The following ITPRIPL2 variants were observed in gnomAD, a reference collection of about 807,000 sequenced individuals.
The protein encoded by ITPRIPL2 is ITPRIP like 2, also known as inositol 1,4,5-trisphosphate receptor-interacting protein-like 2.
ITPRIPL2 carries 29 observed loss-of-function variants against 31.7 expected under a neutral mutation model. The ratio of observed to expected loss-of-function variants is 0.91; its 90% CI spans 0.68 to 1.25. ITPRIPL2 has a LOEUF of 1.25. Among genes scored for constraint, ITPRIPL2 ranks in the 50% most tolerant of loss-of-function variants. ITPRIPL2 has a pLI of 0.00. For missense variants in ITPRIPL2, 696 were observed against 739.1 expected, an observed-to-expected ratio of 0.94 and a Z score of 0.68; for synonymous variants, 344 against 343.4, an observed-to-expected ratio of 1.00 and a Z score of -0.02.
Position 19,114,321 on chromosome 16 carries a change from C to G in ITPRIPL2, c.-141C>G, listed in dbSNP as rs1028299522. ...GGCCGAGCTGGAGGGCGGCCTCCCT[C>G]GGGCCTGCGTTCGGGAAGCCGCCGC... On this transcript the variant is annotated 5_prime_UTR_variant, in exon 1 of 1. Transcript: ENST00000381440. The G allele has an allele frequency of 3.8e-6, 2 of 522,570 alleles. No homozygotes were observed. Among genetic ancestry groups the G allele is most frequent in the Non-Finnish European group, 5.9e-6 (2 of 340,838 alleles). 32.4% of individuals were successfully genotyped at this position (522,570 alleles called of 1,614,324 possible).
rs529339023 is a variant in ITPRIPL2 at position 19,120,625 on chromosome 16, A to ATTTTT, written c.*4570_*4574dup. On this transcript the variant is annotated 3_prime_UTR_variant, in exon 1 of 1. Coordinates refer to ENST00000381440, the MANE Select transcript of ITPRIPL2 (RefSeq NM_001034841.4). ...CTAATATATATATATATATATATAT[A>ATTTTT]TTTTTTTTTTTTTTTTTTAGTAGAG... 1.1e-5 allele frequency: 1 copy of ATTTTT among 92,190 alleles called. No homozygotes were observed. Among genetic ancestry groups the ATTTTT allele is most frequent in the African/African-American group, 5.0e-5 (1 of 20,008 alleles). The allele number at this position is 92,190 out of a possible 1,614,324, so 5.7% of individuals were successfully genotyped here. A position where few individuals can be genotyped will look rare whatever the true frequency, so the allele number is the denominator to read the frequency against.
chr16:19,114,133 C>G lies in ITPRIPL2; in HGVS notation c.-329C>G. ...CAGGAGGGCCGCCCAGGGTAGGAGG[C>G]GAGCCAGGCCGGGCCAGAAGCTGGC... On this transcript the variant is annotated 5_prime_UTR_variant, in exon 1 of 1. Transcript: ENST00000381440. 2.6e-6 allele frequency: 1 copy of G among 387,078 alleles called. No individual in the cohort carries two copies. Among genetic ancestry groups the G allele is most frequent in the Non-Finnish European group, 4.6e-6 (1 of 218,606 alleles). 24.0% of individuals were successfully genotyped at this position (387,078 alleles called of 1,614,324 possible).
At position 19,117,300 on chromosome 16, in the gene ITPRIPL2, C is replaced by T. The variant is rs747374560; in HGVS notation, c.*1231C>T. 6.0e-6 allele frequency: 1 copy of T among 167,236 alleles called. No individual in the cohort carries two copies. 10.4% of individuals were successfully genotyped at this position (167,236 alleles called of 1,614,324 possible). On this transcript the variant is annotated 3_prime_UTR_variant, in exon 1 of 1. Transcript: ENST00000381440. ...TCAGCACAGGTCTTGCAAAACATTT[C>T]ACTTATAGTTCAGTATCTTGGGCTC... is the stretch of plus-strand genomic sequence containing the variant.
rs2142438678 is a variant in ITPRIPL2, at chr16:19,117,776, T to G, written c.*1707T>G. 6.0e-6 allele frequency: 1 copy of G among 167,106 alleles called. No individual in the cohort carries two copies. Among genetic ancestry groups the G allele is most frequent in the Non-Finnish European group, 1.5e-5 (1 of 68,100 alleles). The allele number at this position is 167,106 out of a possible 1,614,324, so 10.4% of individuals were successfully genotyped here. ...ACTTGCCTGCTGTGGGAAATCATAG[T>G]GAGTGATTTACAGGAATCCTTCTCC... On this transcript the variant is annotated 3_prime_UTR_variant, in exon 1 of 1. Coordinates refer to ENST00000381440, the MANE Select transcript of ITPRIPL2 (RefSeq NM_001034841.4).
Position 19,115,978 on chromosome 16 carries a change from T to G in ITPRIPL2, c.1517T>G (p.Leu506Arg), listed in dbSNP as rs1361198553. The change falls in exon 1 of 1, where the codon CTT (leucine) becomes CGT (arginine). Residue 506 changes from leucine (L) to arginine (R), a missense_variant. Leu to Arg is a moderately radical substitution (Grantham distance 102). Coordinates refer to ENST00000381440, the MANE Select transcript of ITPRIPL2 (RefSeq NM_001034841.4). ...TCCACGTGGCAAAGGCTGCCCCAGC[T>G]TCTCCGGGCCTACGGGGGTCCCCGC... Reference protein sequence around the residue: ...LLSTWQRLPQLLRAYGGPRYL... With the variant: ...LLSTWQRLPQRLRAYGGPRYL... The G allele has an allele frequency of 6.2e-7, 1 of 1,613,094 alleles. No homozygotes were observed. Among genetic ancestry groups the G allele is most frequent in the Non-Finnish European group, 8.5e-7 (1 of 1,179,798 alleles).
Position 19,115,800 on chromosome 16 carries a change from C to T in ITPRIPL2, c.1339C>T (p.Arg447Ter). Residue 447 changes from arginine (R) to a stop codon, truncating the protein, a stop_gained, in exon 1 of 1, where the codon CGA becomes TGA. Transcript: ENST00000381440. LOFTEE classifies it high-confidence loss of function. ...GCAGTTCCTTAGGGACTGCCTGCTG[C>T]GACGCCATACGCTCTTCCACTGCGT... ...LVQFLRDCLL[R>*]RHTLFHCVLG... The T allele has an allele frequency of 6.2e-7, 1 of 1,612,956 alleles. No individual in the cohort carries two copies. Among genetic ancestry groups the T allele is most frequent in the Admixed American group, 1.7e-5 (1 of 60,032 alleles).
Position 19,114,887 on chromosome 16 carries a change from C to T in ITPRIPL2, c.426C>T (p.Leu142=), listed in dbSNP as rs1292206424. The T allele has an allele frequency of 3.1e-6, 5 of 1,608,788 alleles. No homozygotes were observed. The South Asian group carries it at 4.4e-5, about 14-fold the overall frequency. Residue 142 remains leucine (L), a synonymous_variant, in exon 1 of 1, where the codon CTC becomes CTT. Coordinates refer to ENST00000381440, the MANE Select transcript of ITPRIPL2 (RefSeq NM_001034841.4). ...RAGRARGSPG[L]IPGGALALAF... ...GCCGCGCCCGGGGGTCCCCCGGTCT[C>T]ATTCCTGGGGGAGCGCTGGCCTTGG...
In ITPRIPL2 at chr16:19,118,035, ATAAATGCCAAGAGT is replaced by A. The variant is rs1963465620; in HGVS notation, c.*1967_*1980del. 1 of 166,264 alleles carries A rather than the reference ATAAATGCCAAGAGT, an allele frequency of 6.0e-6. No homozygotes were observed. Among genetic ancestry groups the A allele is most frequent in the Admixed American group, 6.6e-5 (1 of 15,214 alleles). 10.3% of individuals were successfully genotyped at this position (166,264 alleles called of 1,614,324 possible). On this transcript the variant is annotated 3_prime_UTR_variant, in exon 1 of 1. Coordinates refer to ENST00000381440, the MANE Select transcript of ITPRIPL2 (RefSeq NM_001034841.4). The stretch of plus-strand genomic sequence containing the variant: ...GTATTTTTTAAAATTAGTTTTTAAA[ATAAATGCCAAGAGT>A]AGATCTTATATATATATATATGTAT...
chr16:19,119,897 A>G lies in ITPRIPL2; in HGVS notation c.*3828A>G, dbSNP rs1362955802. 6.0e-6 allele frequency: 1 copy of G among 166,906 alleles called. No homozygotes were observed. The highest frequency in any genetic ancestry group is 1.9e-4 in the East Asian group (1 of 5,192). 10.3% of individuals were successfully genotyped at this position (166,906 alleles called of 1,614,324 possible). A position where few individuals can be genotyped will look rare whatever the true frequency, so the allele number is the denominator to read the frequency against. On this transcript the variant is annotated 3_prime_UTR_variant, in exon 1 of 1. Transcript: ENST00000381440. ...GGGGTAAACTTCTTTGCTCTGTCGG[A>G]GTTTGCAGATGAGTAATCAGAAGGA...
At position 19,115,926 on chromosome 16, in the gene ITPRIPL2, C is replaced by T. The variant is rs772340024; in HGVS notation, c.1465C>T (p.Arg489Trp). The change falls in exon 1 of 1, where the codon CGG becomes TGG. Residue 489 changes from arginine to tryptophan, a missense_variant. By Grantham distance (101) the Arg-to-Trp change is moderately radical. Coordinates refer to ENST00000381440, the MANE Select transcript of ITPRIPL2 (RefSeq NM_001034841.4). ...CCTGGCCGCTTTCGACGGGCACGCC[C>T]GGGAACTTGCAGCAGCGCGGTTGCT... is the stretch of plus-strand genomic sequence containing the variant. ...DLLAAFDGHARELAAARLLST... is the reference protein window; with the variant it reads ...DLLAAFDGHAWELAAARLLST... The T allele has an allele frequency of 3.7e-6, 6 of 1,612,266 alleles. No individual in the cohort carries two copies. Among genetic ancestry groups the T allele is most frequent in the South Asian group, 3.3e-5 (3 of 91,046 alleles).
In ITPRIPL2 at chr16:19,115,041, G is replaced by C. The variant is rs1384150177; in HGVS notation, c.580G>C (p.Gly194Arg). Residue 194 changes from glycine (G) to arginine (R), a missense_variant, in exon 1 of 1, where the codon GGC becomes CGC. Gly to Arg is a moderately radical substitution (Grantham distance 125). Transcript: ENST00000381440. The stretch of plus-strand genomic sequence containing the variant: ...TGTGGCGCTGGAGCCACGGAGCCTG[G>C]GCGAGGAGCCAGCGCTGGCCCCGGC... ...PLVALEPRSLGEEPALAPAFR... is the reference protein window; with the variant it reads ...PLVALEPRSLREEPALAPAFR... 3.1e-6 allele frequency: 5 copies of C among 1,597,784 alleles called. No individual in the cohort carries two copies. The highest frequency in any genetic ancestry group is 4.2e-6 in the Non-Finnish European group (5 of 1,178,944).
In ITPRIPL2 at chr16:19,119,258, C is replaced by T; in HGVS notation, c.*3189C>T. 1 of 405,372 alleles carries T rather than the reference C, an allele frequency of 2.5e-6. No homozygotes were observed. Among genetic ancestry groups the T allele is most frequent in the Non-Finnish European group, 4.5e-6 (1 of 221,786 alleles). The allele number at this position is 405,372 out of a possible 1,614,324, so 25.1% of individuals were successfully genotyped here. On this transcript the variant is annotated 3_prime_UTR_variant, in exon 1 of 1. Transcript: ENST00000381440. ...AGGAGGACTTAAGATGAAAGTGAAG[C>T]AAGAGAGGGAAGGGGAAATGAAGTG...
In ITPRIPL2 at chr16:19,121,086, A is replaced by AT. The variant is rs1963514964; in HGVS notation, c.*5024dup. On this transcript the variant is annotated 3_prime_UTR_variant, in exon 1 of 1. Coordinates refer to ENST00000381440, the MANE Select transcript of ITPRIPL2 (RefSeq NM_001034841.4). Reference sequence around the variant, plus strand: ...AAATCACTTGTTTAGATACAACTTTATTTTTTTATACCTACATAGCACATG... The same window carrying AT: ...AAATCACTTGTTTAGATACAACTTTATTTTTTTTATACCTACATAGCACATG... 6.1e-6 allele frequency: 1 copy of AT among 163,064 alleles called. No homozygotes were observed. The highest frequency in any genetic ancestry group is 2.5e-5 in the African/African-American group (1 of 40,512). 10.1% of individuals were successfully genotyped at this position (163,064 alleles called of 1,614,324 possible).
rs995552043 is a variant in ITPRIPL2 at position 19,114,519 on chromosome 16, TG to T, written c.59del (p.Cys20SerfsTer104). On this transcript the variant is annotated frameshift_variant, in exon 1 of 1. Transcript: ENST00000381440. LOFTEE classifies it high-confidence loss of function. ...CTTCTGGCCCCTGGTGACCGGCCTG[TG>T]CACCGCCCTGGTGTGCCTCTACCAT... Reference protein sequence around the residue: ...RVFWPLVTGLCTALVCLYHVL... With the variant: ...RVFWPLVTGLXTALVCLYHVL... 1 of 1,473,526 alleles carries T rather than the reference TG, an allele frequency of 6.8e-7. No homozygotes were observed. Among genetic ancestry groups the T allele is most frequent in the African/African-American group, 1.4e-5 (1 of 71,004 alleles). 91.3% of individuals were successfully genotyped at this position (1,473,526 alleles called of 1,614,324 possible). A position where few individuals can be genotyped will look rare whatever the true frequency, so the allele number is the denominator to read the frequency against.
Position 19,118,208 on chromosome 16 carries a change from T to C in ITPRIPL2, c.*2139T>C. On this transcript the variant is annotated 3_prime_UTR_variant, in exon 1 of 1. Transcript: ENST00000381440. ...GGCTGGGCGTGGTGGCTCACGCCTG[T>C]AATCCCAGCACTTTGGGAGGCGAGG... The C allele has an allele frequency of 6.0e-6, 1 of 167,166 alleles. No individual in the cohort carries two copies. Among genetic ancestry groups the C allele is most frequent in the Non-Finnish European group, 1.5e-5 (1 of 68,176 alleles). The allele number at this position is 167,166 out of a possible 1,614,324, so 10.4% of individuals were successfully genotyped here.
Position 19,115,284 on chromosome 16 carries a change from C to T in ITPRIPL2, c.823C>T (p.Arg275Trp). ...TVRYSLEGRC[R>W]VTLTPGGLEQ... ...GCGTTACAGCCTGGAGGGGCGCTGT[C>T]GGGTCACCTTGACCCCAGGTGGCCT... The change falls in exon 1 of 1, where the codon CGG becomes TGG. Residue 275 changes from arginine (R) to tryptophan (W), a missense_variant. Physicochemically the swap from Arg to Trp is moderately radical, Grantham distance 101. Coordinates refer to ENST00000381440, the MANE Select transcript of ITPRIPL2 (RefSeq NM_001034841.4). The T allele has an allele frequency of 6.2e-7, 1 of 1,612,924 alleles. No homozygotes were observed. Among genetic ancestry groups the T allele is most frequent in the Non-Finnish European group, 8.5e-7 (1 of 1,180,026 alleles).
Position 19,114,364 on chromosome 16 carries a change from C to G in ITPRIPL2, c.-98C>G. ...GCCGCCGCGGAGGAGGAGACGGGGA[C>G]AGCGGGGCTGCCCGGGCGCTGTGCG... On this transcript the variant is annotated 5_prime_UTR_variant, in exon 1 of 1. Transcript: ENST00000381440. 1.0e-6 allele frequency: 1 copy of G among 975,780 alleles called. No homozygotes were observed. Among genetic ancestry groups the G allele is most frequent in the Non-Finnish European group, 1.3e-6 (1 of 749,512 alleles). 60.4% of individuals were successfully genotyped at this position (975,780 alleles called of 1,614,324 possible). A position where few individuals can be genotyped will look rare whatever the true frequency, so the allele number is the denominator to read the frequency against.
chr16:19,115,731 G>C lies in ITPRIPL2; in HGVS notation c.1270G>C (p.Gly424Arg), dbSNP rs1963434016. 1 of 1,613,066 alleles carries C rather than the reference G, an allele frequency of 6.2e-7. No individual in the cohort carries two copies. The highest frequency in any genetic ancestry group is 8.5e-7 in the Non-Finnish European group (1 of 1,180,004). Residue 424 changes from glycine to arginine, a missense_variant, in exon 1 of 1, where the codon GGC becomes CGC. Physicochemically the swap from Gly to Arg is moderately radical, Grantham distance 125. Coordinates refer to ENST00000381440, the MANE Select transcript of ITPRIPL2 (RefSeq NM_001034841.4). ...VLLRKGAPGQGWDEEHLGRCL... is the reference protein window; with the variant it reads ...VLLRKGAPGQRWDEEHLGRCL... ...GCTGCGCAAGGGGGCCCCTGGGCAA[G>C]GCTGGGACGAGGAGCACCTGGGAAG... is the stretch of plus-strand genomic sequence containing the variant.
At position 19,115,995 on chromosome 16, in the gene ITPRIPL2, G is replaced by A. The variant is rs777375555; in HGVS notation, c.1534G>A (p.Gly512Ser). ...GCCCCAGCTTCTCCGGGCCTACGGG[G>A]GTCCCCGCTACCTTGCCAGGTGCCC... ...RLPQLLRAYG[G>S]PRYLARCPPP... is the part of the protein sequence containing the mutation. The change falls in exon 1 of 1, where the codon GGT becomes AGT. Residue 512 changes from glycine to serine, a missense_variant. By Grantham distance (56) the Gly-to-Ser change is moderately conservative. Transcript: ENST00000381440. 5 of 1,612,364 alleles carry A rather than the reference G, an allele frequency of 3.1e-6. No homozygotes were observed. In the African/African-American group the frequency reaches 4.0e-5, roughly 13 times the overall value.
Sources: allele counts gnomAD v4.1 joint callset, GRCh38; gene constraint gnomAD v4.1.1; transcripts MANE v1.5; gene names NCBI Gene and HGNC (gene_info 2026-07-23, HGNC 2026-07-21).